The following LRMDA variants were observed in gnomAD, a reference collection of about 807,000 sequenced individuals.
The protein encoded by LRMDA is leucine-rich melanocyte differentiation-associated protein.
LRMDA carries 18 observed loss-of-function variants against 29.8 expected under a neutral mutation model. The ratio of observed to expected loss-of-function variants is 0.60; its 90% confidence interval spans 0.42 to 0.90. The LOEUF is 0.90. Among genes scored for constraint, LRMDA ranks in the 40% least tolerant of loss-of-function variants. LRMDA has a pLI of 0.00. For missense variants in LRMDA, 273 were observed against 273.9 expected, an observed-to-expected ratio of 1.00 and a Z score of 0.02; for synonymous variants, 125 against 109.4, an observed-to-expected ratio of 1.14 and a Z score of -0.89.
intron 2 of LRMDA, among the ~76,000 whole-genome samples, chr10:76,002,299 G>A (rs1847575596): frequency 6.6e-6 from 1 of 152,104 alleles, no homozygotes; most frequent in Non-Finnish European, 1.5e-5. Context: ...CTTATACAAA[G>A]GTTCCACTTC....
chr10:75,974,806 T>G (rs1847041814), intron 2 of LRMDA, among the ~76,000 whole-genome samples: 1 of 152,210 alleles, frequency 6.6e-6, no homozygotes, highest in African/African-American at 2.4e-5. Flanking sequence ...GCATAATACC[T>G]GGCACATAGT....
chr10:76,520,967 A>AACATTT (rs1843112553), intron 6 of LRMDA, among the ~76,000 whole-genome samples: 1 of 152,140 alleles, frequency 6.6e-6, no homozygotes, highest in African/African-American at 2.4e-5. Context: ...TAAAAAATAG[A>AACATTT]GACATATTTT....
chr10:75,983,995 C>G (rs1190936473), intron 2 of LRMDA, among the ~76,000 whole-genome samples: 1 of 152,160 alleles, frequency 6.6e-6, no homozygotes, highest in Non-Finnish European at 1.5e-5. Context: ...CTTTCCTCCT[C>G]ACAATGCTGC....
intron 5 of LRMDA, among the ~76,000 whole-genome samples, chr10:76,280,651 A>C (rs886485433): frequency 3.9e-5 from 6 of 152,170 alleles, no homozygotes; most frequent in African/African-American, 1.4e-4. Flanking sequence ...GAATTCTCAG[A>C]ATTCTAGCAA....
intron 2 of LRMDA, among the ~76,000 whole-genome samples, chr10:75,851,041 GGTT>G (rs546947528): frequency 5.6e-4 from 86 of 152,248 alleles, no homozygotes; most frequent in African/African-American, 1.7e-3. Flanking sequence ...TCATTTTGGT[GGTT>G]GTTGTTGTTC....
intron 2 of LRMDA, among the ~76,000 whole-genome samples, chr10:75,969,946 C>G (rs931727730): frequency 6.6e-6 from 1 of 152,178 alleles, no homozygotes; most frequent in Non-Finnish European, 1.5e-5. Context: ...GGGCTCTGTA[C>G]AAATGGAATT....
At chr10:76,028,964 G>A (rs1230875741) in intron 2 of LRMDA, among the ~76,000 whole-genome samples, 8 of 151,768 alleles carry the variant, frequency 5.3e-5, no homozygotes, top group East Asian at 3.9e-4. Context: ...CTACAGGCAC[G>A]TGCCACCACG....
intron 2 of LRMDA, among the ~76,000 whole-genome samples, chr10:75,799,394 C>T (rs1843708769): frequency 6.6e-6 from 1 of 152,134 alleles, no homozygotes; most frequent in Admixed American, 6.6e-5. Context: ...ACTTTTTTTG[C>T]AGCCTATATA....
intron 2 of LRMDA, among the ~76,000 whole-genome samples, chr10:75,495,795 C>A (rs1428363606): frequency 6.6e-6 from 1 of 152,218 alleles, no homozygotes; most frequent in Non-Finnish European, 1.5e-5. Context: ...AAGGCAATGC[C>A]TCGGGGTGGC....
chr10:76,541,600 A>G (rs1255846905), intron 6 of LRMDA, among the ~76,000 whole-genome samples: 2 of 152,160 alleles, frequency 1.3e-5, no homozygotes, highest in Admixed American at 1.3e-4. Flanking sequence ...TCCAGGGGTA[A>G]GAAGATGTTC....
At chr10:75,572,728 C>G (rs1413570847) in intron 2 of LRMDA, among the ~76,000 whole-genome samples, 3 of 152,154 alleles carry the variant, frequency 2.0e-5, no homozygotes, top group Non-Finnish European at 4.4e-5. Context: ...AGATACTATT[C>G]TGTTATGAAC....
At chr10:75,752,802 C>T (rs934084162) in intron 2 of LRMDA, among the ~76,000 whole-genome samples, 1 of 152,128 alleles carries the variant, frequency 6.6e-6, no homozygotes, top group Non-Finnish European at 1.5e-5. Context: ...TCTCTTCTGG[C>T]CTACTTTTTG....
At chr10:76,338,911 A>G (rs542438353) in intron 6 of LRMDA, among the ~76,000 whole-genome samples, 2 of 152,308 alleles carry the variant, frequency 1.3e-5, no homozygotes, top group East Asian at 3.9e-4. Flanking sequence ...ATGAAGATAT[A>G]ATGGGAATCT....
chr10:75,657,797 A>G (rs1564532571), intron 2 of LRMDA, among the ~76,000 whole-genome samples: 1 of 152,158 alleles, frequency 6.6e-6, no homozygotes, highest in Non-Finnish European at 1.5e-5. Flanking sequence ...GGTGCAGGGT[A>G]ACGGGTCCTA....
chr10:75,732,469 C>T (rs891255632), intron 2 of LRMDA, among the ~76,000 whole-genome samples: 2 of 152,198 alleles, frequency 1.3e-5, no homozygotes, highest in Non-Finnish European at 2.9e-5. Context: ...GTTCTTTTAT[C>T]ACGACAGATA....
chr10:75,716,030 G>T (rs1842495932), intron 2 of LRMDA, among the ~76,000 whole-genome samples: 1 of 152,160 alleles, frequency 6.6e-6, no homozygotes, highest in South Asian at 2.1e-4. Context: ...AGGCATGCTG[G>T]AAGATGCAGC....
chr10:76,279,356 T>A (rs778203768), intron 5 of LRMDA, among the ~76,000 whole-genome samples: 1 of 152,076 alleles, frequency 6.6e-6, no homozygotes, highest in African/African-American at 2.4e-5. Context: ...CAGGCAAAAA[T>A]GTTATCTGTT....
chr10:75,821,002 T>A (rs561182791), intron 2 of LRMDA, among the ~76,000 whole-genome samples: 39 of 152,140 alleles, frequency 2.6e-4, no homozygotes, highest in Admixed American at 4.6e-4. Context: ...AGTAGTGAAA[T>A]TAAATAAGTA....
chr10:75,672,279 A>G (rs915981543), intron 2 of LRMDA, among the ~76,000 whole-genome samples: 1 of 152,078 alleles, frequency 6.6e-6, no homozygotes, highest in African/African-American at 2.4e-5. Flanking sequence ...CTACCCAGAC[A>G]AGCCCGGAAA....
Sources: allele counts gnomAD v4.1 joint callset (sites outside exome capture counted in the v4.1 genomes callset), GRCh38; gene constraint gnomAD v4.1.1; transcripts MANE v1.5; gene names NCBI Gene and HGNC (gene_info 2026-07-23, HGNC 2026-07-21).